CUX1: variants seen among roughly 807,000 people sequenced by gnomAD.
The protein encoded by CUX1 is cut like homeobox 1.
Under a neutral mutation model 158.8 loss-of-function variants are expected in CUX1, and 31 were observed. The observed-to-expected ratio is 0.20, with a 90% CI of 0.15 to 0.26. The LOEUF is 0.26. Ranked by LOEUF, CUX1 falls within the 10% of genes least tolerant of loss-of-function variation. The probability of loss-of-function intolerance (pLI) is 1.00; values close to 1 mark genes in which losing one functional copy is unlikely to be tolerated. For synonymous variants in CUX1, 879 were observed against 862.1 expected, an observed-to-expected ratio of 1.02 and a Z score of -0.34; for missense variants, 1,589 against 2,014.6, an observed-to-expected ratio of 0.79 and a Z score of 4.04.
intron 2 of CUX1, among the ~76,000 whole-genome samples, chr7:101,953,444 C>T (rs751064134): frequency 4.6e-5 from 7 of 152,174 alleles, no homozygotes; most frequent in African/African-American, 1.4e-4. Flanking sequence ...TGAAATTACA[C>T]GGTGAGTTGG....
intron 8 of CUX1, among the ~76,000 whole-genome samples, chr7:102,126,544 G>T (rs1832664014): frequency 6.6e-6 from 1 of 151,854 alleles, no homozygotes; most frequent in African/African-American, 2.4e-5. Flanking sequence ...TAAACCCATC[G>T]TAACTTGTAA....
chr7:101,827,315 C>T (rs890218124), intron 1 of CUX1, among the ~76,000 whole-genome samples: 3 of 107,908 alleles, frequency 2.8e-5, no homozygotes, highest in Non-Finnish European at 5.8e-5. Context: ...TTTCCTTTCC[C>T]TTCCTTTTCA....
intron 2 of CUX1, among the ~76,000 whole-genome samples, chr7:101,979,778 T>G (rs1813186077): frequency 6.6e-6 from 1 of 152,108 alleles, no homozygotes; most frequent in Non-Finnish European, 1.5e-5. Context: ...GCCTCCCGAG[T>G]AGCTGGCACT....
rs548408422 is a variant in CUX1 at position 102,196,695 on chromosome 7, C to A, written c.1284C>A (p.Ala428=). The A allele has an allele frequency of 1.0e-5, 16 of 1,606,166 alleles. 1 individual carries two copies. Among genetic ancestry groups the A allele is most frequent in the African/African-American group, 1.3e-5 (1 of 74,654 alleles). ...GTCGGCGCCCGGGATCTTTGCCGGC[C>A]CCCCCTCCTTCTCAGTTGCCCCGCA... ...PESRRPGSLP[A]PPPSQLPRNP... The change falls in exon 15 of 24, where the codon GCC becomes GCA. Residue 428 remains alanine, a synonymous_variant. Coordinates refer to ENST00000292535, the MANE Select transcript of CUX1 (RefSeq NM_181552.4).
intron 4 of CUX1, among the ~76,000 whole-genome samples, chr7:102,078,164 C>T (rs1826984000): frequency 6.6e-6 from 1 of 152,142 alleles, no homozygotes; most frequent in Non-Finnish European, 1.5e-5. Flanking sequence ...CATTTAACCG[C>T]CTCCTGGCTC....
chr7:102,237,586 C>T (rs1554533353), intron 22 of CUX1, among the ~76,000 whole-genome samples: 1 of 152,182 alleles, frequency 6.6e-6, no homozygotes, highest in African/African-American at 2.4e-5. Context: ...CCGGCGATGT[C>T]CTTCAGGATT....
At chr7:102,228,313 C>T (rs1798567721) in intron 21 of CUX1, among the ~76,000 whole-genome samples, 1 of 152,064 alleles carries the variant, frequency 6.6e-6, no homozygotes, top group Admixed American at 6.6e-5. Flanking sequence ...TTTCTTGAGG[C>T]CACAGTCTGA....
intron 2 of CUX1, among the ~76,000 whole-genome samples, chr7:101,939,336 A>G (rs1174385927): frequency 6.6e-6 from 1 of 151,874 alleles, no homozygotes; most frequent in African/African-American, 2.4e-5. Flanking sequence ...GTCAGTGCCA[A>G]GTAGTATTCC....
chr7:101,875,694 C>T (rs563313820), intron 1 of CUX1, among the ~76,000 whole-genome samples: 7 of 152,310 alleles, frequency 4.6e-5, no homozygotes, highest in African/African-American at 1.4e-4. Flanking sequence ...CCCCACAGTG[C>T]CCACGGGTAG....
chr7:102,126,022 T>A (rs1250335100), intron 8 of CUX1, among the ~76,000 whole-genome samples: 3 of 151,996 alleles, frequency 2.0e-5, no homozygotes, highest in Non-Finnish European at 2.9e-5. Context: ...TTTTATTTTA[T>A]TTTATTTTTG....
chr7:101,960,716 T>G (rs425964), intron 2 of CUX1: 129,328 of 152,234 alleles, frequency 0.85, 55,355 homozygotes, highest in African/African-American at 0.91. Context: ...CATGCAAAGA[T>G]AATTCAGTGA....
intron 8 of CUX1, among the ~76,000 whole-genome samples, chr7:102,144,861 G>A (rs1163920116): frequency 6.6e-6 from 1 of 151,956 alleles, no homozygotes; most frequent in East Asian, 1.9e-4. Context: ...GCCGAGGTGG[G>A]TGGATAACTT....
intron 16 of CUX1, 44 bp downstream of exon 16, chr7:102,198,911 G>A: frequency 6.5e-7 from 1 of 1,534,006 alleles, no homozygotes; most frequent in East Asian, 2.2e-5. Context: ...GTCACCTAGG[G>A]AAGCAGCATG....
intron 13 of CUX1, 59 bp from the exon 14 acceptor site, chr7:102,195,442 CTGGTGG>C: frequency 7.3e-7 from 1 of 1,364,562 alleles, no homozygotes; most frequent in African/African-American, 1.4e-5. Flanking sequence ...GGCTCCAGGC[CTGGTGG>C]CCCCGGGAGC....
At chr7:101,921,784 T>A (rs969608845) in intron 2 of CUX1, among the ~76,000 whole-genome samples, 1 of 152,058 alleles carries the variant, frequency 6.6e-6, no homozygotes, top group Non-Finnish European at 1.5e-5. Flanking sequence ...AAAAAAAAAA[T>A]AACAACAAAT....
At chr7:102,059,540 G>A (rs1319733047) in intron 3 of CUX1, among the ~76,000 whole-genome samples, 1 of 151,052 alleles carries the variant, frequency 6.6e-6, no homozygotes, top group Non-Finnish European at 1.5e-5. Flanking sequence ...GCTAAGGCAG[G>A]AGAATCACTT....
At chr7:102,080,928 C>T (rs1166061072) in intron 4 of CUX1, among the ~76,000 whole-genome samples, 2 of 152,240 alleles carry the variant, frequency 1.3e-5, no homozygotes, top group Non-Finnish European at 2.9e-5. Context: ...TCCCACTGCG[C>T]ACGCCAGATA....
chr7:102,166,731 TCTC>T lies in CUX1; in HGVS notation c.724-3712_724-3710del, dbSNP rs574654083. ...CATTAGGCCTGTTTTTAGTTTGAAT[TCTC>T]CTGTTTCGTGGATCTCACCACACAA... is the stretch of plus-strand genomic sequence containing the variant. On this transcript the variant is annotated intron_variant, in intron 9 of 23. Coordinates refer to ENST00000292535, the MANE Select transcript of CUX1 (RefSeq NM_181552.4). Among the ~76,000 whole-genome samples the T allele has an allele frequency of 3.6e-3, 555 of 152,314 alleles. 6 individuals are homozygous for T. The highest frequency in any genetic ancestry group is 5.1e-3 in the Non-Finnish European group (344 of 68,032).
In CUX1 at chr7:102,249,829, T is replaced by C. The variant is rs1801301922; in HGVS notation, c.*787T>C. The stretch of plus-strand genomic sequence containing the variant: ...GAAAAGAATCTTCTCGTTTGAAACT[T>C]TGAATTAAAATAAAACACATTTACT... On this transcript the variant is annotated 3_prime_UTR_variant, in exon 24 of 24. Transcript: ENST00000292535. 5.1e-6 allele frequency: 5 copies of C among 985,632 alleles called. No homozygotes were observed. In the South Asian group the frequency reaches 2.3e-4, roughly 46 times the overall value. 61.1% of individuals were successfully genotyped at this position (985,632 alleles called of 1,614,324 possible).
Sources: allele counts gnomAD v4.1 joint callset (sites outside exome capture counted in the v4.1 genomes callset), GRCh38; gene constraint gnomAD v4.1.1; transcripts MANE v1.5; gene names NCBI Gene and HGNC (gene_info 2026-07-23, HGNC 2026-07-21).